The following PCDHGB5 variants were observed in gnomAD, a reference collection of about 807,000 sequenced individuals.
PCDHGB5 encodes protocadherin gamma subfamily B, 5.
PCDHGB5 carries 48 observed loss-of-function variants against 62.9 expected under a neutral mutation model. The ratio of observed to expected loss-of-function variants is 0.76; its 90% CI spans 0.61 to 0.97. The LOEUF (loss-of-function observed/expected upper bound fraction) is 0.97. Ranked by LOEUF, PCDHGB5 falls within the 50% of genes least tolerant of loss-of-function variation. PCDHGB5 has a pLI of 0.00. For missense variants in PCDHGB5, 1,118 were observed against 1,198.6 expected (o/e 0.93, Z 0.99); for synonymous variants, 474 against 511.2 (o/e 0.93, Z 0.98).
rs374181150 is a variant in PCDHGB5, at chr5:141,477,134, G to C, written c.2398-17673G>C. The C allele has an allele frequency of 2.5e-5, 41 of 1,614,092 alleles. No homozygotes were observed. Among genetic ancestry groups the C allele is most frequent in the Non-Finnish European group, 3.4e-5 (40 of 1,180,056 alleles). ...CGAAGGAGCACATTGCAAAGTGTTG[G>C]TGGAGGTTGTGGATGTGAATGACAA... is the stretch of plus-strand genomic sequence containing the variant. On this transcript the variant is annotated intron_variant, in intron 1 of 3. Coordinates refer to ENST00000617380, the MANE Select transcript of PCDHGB5 (RefSeq NM_018925.3). The surrounding 1 kb of genome is among the most constrained non-coding windows in gnomAD (Gnocchi z 4.9).
chr5:141,504,680 A>G (rs912248504), intron 2 of PCDHGB5, among the ~76,000 whole-genome samples: 1 of 150,294 alleles, frequency 6.7e-6, no homozygotes, highest in Non-Finnish European at 1.5e-5. Flanking sequence ...GGGTTCTTGT[A>G]AAATAGGAGG....
chr5:141,400,071 GC>G lies in PCDHGB5; in HGVS notation c.1946del (p.Pro649HisfsTer40). 6.2e-7 allele frequency: 1 copy of G among 1,613,942 alleles called. No homozygotes were observed. The highest frequency in any genetic ancestry group is 8.5e-7 in the Non-Finnish European group (1 of 1,179,888). ...LVAVRDGGQP[P>X]LSATATLHLV... is the part of the protein sequence containing the mutation. ...TTGCTGTGCGTGATGGTGGACAGCCGCCACTCTCCGCCACCGCCACGCTGCA... is the reference window on the plus strand; with the variant it reads ...TTGCTGTGCGTGATGGTGGACAGCCGCACTCTCCGCCACCGCCACGCTGCA... On this transcript the variant is annotated frameshift_variant, in exon 1 of 4. Coordinates refer to ENST00000617380, the MANE Select transcript of PCDHGB5 (RefSeq NM_018925.3). LOFTEE classifies it high-confidence loss of function.
At chr5:141,401,239 G>A (rs1024455506) in intron 1 of PCDHGB5, among the ~76,000 whole-genome samples, 6 of 152,154 alleles carry the variant, frequency 3.9e-5, no homozygotes, top group Admixed American at 6.5e-5. Flanking sequence ...CTACTCAGGA[G>A]GCTAAGACAG....
At position 141,400,543 on chromosome 5, in the gene PCDHGB5, T is replaced by C. The variant is rs2094038969; in HGVS notation, c.2397+19T>C. On this transcript the variant is annotated intron_variant, in intron 1 of 3. Coordinates refer to ENST00000617380, the MANE Select transcript of PCDHGB5 (RefSeq NM_018925.3). Reference sequence around the variant, plus strand: ...TGAGTTGGTGAGTTTCATTTATGTCTATTCTTTTTCATTACCCACCCAATT... The same window carrying C: ...TGAGTTGGTGAGTTTCATTTATGTCCATTCTTTTTCATTACCCACCCAATT... 6.2e-7 allele frequency: 1 copy of C among 1,613,794 alleles called. No individual in the cohort carries two copies.
intron 1 of PCDHGB5, among the ~76,000 whole-genome samples, chr5:141,402,771 G>A (rs2094306356): frequency 6.6e-6 from 1 of 152,218 alleles, no homozygotes; most frequent in African/African-American, 2.4e-5. Context: ...ACTCCATCCG[G>A]ATTTCCAGTT....
chr5:141,422,828 T>C (rs1273420440), intron 1 of PCDHGB5: 2 of 1,614,232 alleles, frequency 1.2e-6, no homozygotes, highest in East Asian at 4.5e-5. Context: ...CTGAGAGTGA[T>C]AGCACGTGAC....
chr5:141,485,726 C>G lies in PCDHGB5; in HGVS notation c.2398-9081C>G. On this transcript the variant is annotated intron_variant, in intron 1 of 3. Transcript: ENST00000617380. The surrounding 1 kb of genome is among the most constrained non-coding windows in gnomAD (Gnocchi z 5.7). ...ACACTTTGCACTGGATGTGAAGAAG[C>G]GCAGCGACGGCAGCCTGGTCCCAGA... 2 of 1,614,140 alleles carry G rather than the reference C, an allele frequency of 1.2e-6. No individual in the cohort carries two copies. The highest frequency in any genetic ancestry group is 1.1e-5 in the South Asian group (1 of 91,082).
At position 141,489,515 on chromosome 5, in the gene PCDHGB5, G is replaced by T; in HGVS notation, c.2398-5292G>T. ...CTGGCAGTGAATCAAAAGATTGACC[G>T]AGAAAGCCTATGTGGAGCCAGCACC... On this transcript the variant is annotated intron_variant, in intron 1 of 3. Coordinates refer to ENST00000617380, the MANE Select transcript of PCDHGB5 (RefSeq NM_018925.3). This position sits in a 1 kb window ranked among gnomAD's most constrained non-coding sequence, Gnocchi z 4.5. 4.3e-6 allele frequency: 7 copies of T among 1,614,104 alleles called. No individual in the cohort carries two copies. Among genetic ancestry groups the T allele is most frequent in the Non-Finnish European group, 5.9e-6 (7 of 1,180,034 alleles).
Position 141,510,362 on chromosome 5 carries a change from C to T in PCDHGB5, c.2546-585C>T, listed in dbSNP as rs74321279. Among the ~76,000 whole-genome samples the T allele has an allele frequency of 2.0e-4, 29 of 142,136 alleles. No homozygotes were observed. In the East Asian group the frequency reaches 5.7e-3, roughly 28 times the overall value. The allele number at this position is 142,136 out of a possible 152,430, so 93.2% of individuals were successfully genotyped here. A position where few individuals can be genotyped will look rare whatever the true frequency, so the allele number is the denominator to read the frequency against. On this transcript the variant is annotated intron_variant, in intron 3 of 3. Coordinates refer to ENST00000617380, the MANE Select transcript of PCDHGB5 (RefSeq NM_018925.3). ...CCCACACACTTACTAACGGAACTAC[C>T]GAATCTCTACTCGTGCCAGGCCTTG... is the stretch of plus-strand genomic sequence containing the variant.
intron 1 of PCDHGB5, chr5:141,428,285 C>G (rs765814584): frequency 1.1e-5 from 8 of 734,934 alleles, no homozygotes; most frequent in Non-Finnish European, 1.7e-5. Context: ...GATTCCCAAG[C>G]AAAGCTGCAG....
chr5:141,403,666 T>C (rs2094439937), intron 1 of PCDHGB5: 1 of 1,613,926 alleles, frequency 6.2e-7, no homozygotes, highest in Non-Finnish European at 8.5e-7. Context: ...CAAATGATAA[T>C]GCCCCGGTTT....
chr5:141,409,125 AT>A, intron 1 of PCDHGB5: 1 of 1,613,982 alleles, frequency 6.2e-7, no homozygotes, highest in Non-Finnish European at 8.5e-7. Context: ...CAGTCATTTG[AT>A]TTTGAAGATG....
At chr5:141,404,832 G>T in intron 1 of PCDHGB5, 1 of 1,613,864 alleles carries the variant, frequency 6.2e-7, no homozygotes, top group Non-Finnish European at 8.5e-7. Flanking sequence ...GGTGAAGTGC[G>T]CACAGCTCGG....
At position 141,486,418 on chromosome 5, in the gene PCDHGB5, A is replaced by G. The variant is rs1174910867; in HGVS notation, c.2398-8389A>G. On this transcript the variant is annotated intron_variant, in intron 1 of 3. Transcript: ENST00000617380. This position sits in a 1 kb window ranked among gnomAD's most constrained non-coding sequence, Gnocchi z 5.0. ...TGGTGACTGCTGGACCCTTGGATCG[A>G]GAGGCCAAATCTAGCTATGACATCA... is the stretch of plus-strand genomic sequence containing the variant. The G allele has an allele frequency of 3.7e-6, 6 of 1,614,176 alleles. No individual in the cohort carries two copies. Among genetic ancestry groups the G allele is most frequent in the Non-Finnish European group, 5.1e-6 (6 of 1,180,020 alleles).
At position 141,485,565 on chromosome 5, in the gene PCDHGB5, C is replaced by T. The variant is rs1213821989; in HGVS notation, c.2398-9242C>T. The T allele has an allele frequency of 2.5e-6, 4 of 1,612,946 alleles. No homozygotes were observed. Among genetic ancestry groups the T allele is most frequent in the Non-Finnish European group, 2.5e-6 (3 of 1,179,042 alleles). On this transcript the variant is annotated intron_variant, in intron 1 of 3. Coordinates refer to ENST00000617380, the MANE Select transcript of PCDHGB5 (RefSeq NM_018925.3). The surrounding 1 kb of genome is among the most constrained non-coding windows in gnomAD (Gnocchi z 5.7). ...ATCGTAGATGTGAATGATCACGCCCCCCGTTTTCCGCGGCAGCAGCTGGAC... is the reference window on the plus strand; with the variant it reads ...ATCGTAGATGTGAATGATCACGCCCTCCGTTTTCCGCGGCAGCAGCTGGAC...
rs572892456 is a variant in PCDHGB5, at chr5:141,427,959, C to T, written c.2397+27435C>T. On this transcript the variant is annotated intron_variant, in intron 1 of 3. Coordinates refer to ENST00000617380, the MANE Select transcript of PCDHGB5 (RefSeq NM_018925.3). Reference sequence around the variant, plus strand: ...GGGCGACCTCAATGACAATGTGCCGCGGGTGCTGTACCCCGCGCTGGGGCC... The same window carrying T: ...GGGCGACCTCAATGACAATGTGCCGTGGGTGCTGTACCCCGCGCTGGGGCC... 3.8e-6 allele frequency: 6 copies of T among 1,588,886 alleles called. No individual in the cohort carries two copies. The East Asian group carries it at 1.1e-4, about 30-fold the overall frequency.
At chr5:141,437,930 G>A (rs142381129) in intron 1 of PCDHGB5, among the ~76,000 whole-genome samples, 2,019 of 152,152 alleles carry the variant, frequency 0.013, 16 homozygotes, top group Middle Eastern at 0.034. Context: ...TAGAGATGGG[G>A]TTTCACCATA....
intron 1 of PCDHGB5, chr5:141,405,443 A>G (rs2154536495): frequency 7.2e-7 from 1 of 1,381,938 alleles, no homozygotes; most frequent in Non-Finnish European, 1.0e-6. Flanking sequence ...TTTTTGAGAC[A>G]GAGTCTTACT....
chr5:141,480,371 C>T (rs1562080299), intron 1 of PCDHGB5, among the ~76,000 whole-genome samples: 1 of 151,908 alleles, frequency 6.6e-6, no homozygotes, highest in African/African-American at 2.4e-5. Flanking sequence ...GCTGTGATTG[C>T]ACCACTACAC....
Sources: allele counts gnomAD v4.1 joint callset (sites outside exome capture counted in the v4.1 genomes callset), GRCh38; gene constraint gnomAD v4.1.1; non-coding constraint Gnocchi (gnomAD v3.1); transcripts MANE v1.5; gene names NCBI Gene and HGNC (gene_info 2026-07-23, HGNC 2026-07-21).